Variants in LCA5L observed in about 807,000 individuals in gnomAD.
LCA5L encodes lebercilin LCA5 like.
In LCA5L, 35 loss-of-function variants were observed where a neutral mutation model predicts 45.4. The ratio of observed to expected loss-of-function variants is 0.77; its 90% CI spans 0.59 to 1.02. The LOEUF (loss-of-function observed/expected upper bound fraction) is 1.02. Ranked by LOEUF, LCA5L falls within the 50% of genes least tolerant of loss-of-function variation. The pLI is 0.00. For synonymous variants in LCA5L, 233 were observed against 264.7 expected (o/e 0.88, Z 1.16); for missense variants, 668 against 761.6 (o/e 0.88, Z 1.45).
intron 3 of LCA5L, among the ~76,000 whole-genome samples, chr21:39,429,568 G>T (rs1333874020): frequency 2.0e-5 from 3 of 152,114 alleles, no homozygotes; most frequent in Non-Finnish European, 4.4e-5. Context: ...TTAGCTCCAG[G>T]GGCAGTGCTT....
chr21:39,433,855 C>G (rs2076021011), intron 3 of LCA5L, among the ~76,000 whole-genome samples: 1 of 150,670 alleles, frequency 6.6e-6, no homozygotes, highest in East Asian at 1.9e-4. Context: ...ACCTCCACCT[C>G]CTGGGTTCAA....
At chr21:39,444,020 GCT>G (rs2077143405) in intron 2 of LCA5L, 113 bp downstream of exon 2, 1 of 146,194 alleles carries the variant, frequency 6.8e-6, no homozygotes, top group Non-Finnish European at 1.5e-5. Context: ...ACAGAGTAAG[GCT>G]CTGTCTTAAA....
intron 2 of LCA5L, chr21:39,436,117 G>C (rs1601949801): frequency 6.6e-6 from 1 of 152,264 alleles, no homozygotes; most frequent in South Asian, 2.1e-4. Flanking sequence ...TTTCTTTCCA[G>C]TACAGAGTTG....
chr21:39,445,336 G>A (rs904528639), intron 1 of LCA5L: 1 of 152,328 alleles, frequency 6.6e-6, no homozygotes, highest in African/African-American at 2.4e-5. Flanking sequence ...AAAATCGGAG[G>A]TCAGATAGAA....
rs759926218 is a variant in LCA5L, at chr21:39,420,847, A to G, written c.838-4T>C. ...ACCTCAGTTGTTTTTCCAAGCTCTG[A>G]AAACAGTATATATTATAACTATTCT... On this transcript the variant is annotated splice_polypyrimidine_tract_variant and splice_region_variant and intron_variant, in intron 6 of 10. Transcript: ENST00000288350. The G allele has an allele frequency of 1.6e-5, 26 of 1,610,732 alleles. No homozygotes were observed. The highest frequency in any genetic ancestry group is 3.3e-5 in the South Asian group (3 of 90,960).
chr21:39,413,092 A>G (rs2040396933), intron 7 of LCA5L, among the ~76,000 whole-genome samples: 1 of 152,226 alleles, frequency 6.6e-6, no homozygotes, highest in Non-Finnish European at 1.5e-5. Flanking sequence ...CAGACTGAGA[A>G]GAGGCCAGGA....
rs1192075809 is a variant in LCA5L at position 39,428,165 on chromosome 21, TCCTTA to T, written c.322+2_322+6del. ...TTTGGTCTTGCTTGGGAAATTTTACTCCTTACCTTTAGATTGGGAGATTTTAGAAA... is the reference window on the plus strand; with the variant it reads ...TTTGGTCTTGCTTGGGAAATTTTACTCCTTTAGATTGGGAGATTTTAGAAA... On this transcript the variant is annotated splice_donor_variant and splice_donor_5th_base_variant and intron_variant, in intron 5 of 10. Transcript: ENST00000288350. LOFTEE classifies it high-confidence loss of function. 1.3e-6 allele frequency: 2 copies of T among 1,529,440 alleles called. No individual in the cohort carries two copies. Among genetic ancestry groups the T allele is most frequent in the African/African-American group, 1.4e-5 (1 of 71,998 alleles). 94.7% of individuals were successfully genotyped at this position (1,529,440 alleles called of 1,614,324 possible). A position where few individuals can be genotyped will look rare whatever the true frequency, so the allele number is the denominator to read the frequency against.
intron 5 of LCA5L, among the ~76,000 whole-genome samples, chr21:39,426,268 C>A (rs2074686409): frequency 6.6e-6 from 1 of 152,124 alleles, no homozygotes; most frequent in South Asian, 2.1e-4. Context: ...CTGTATCCAT[C>A]ACGCATACTT....
intron 3 of LCA5L, 37 bp downstream of exon 3, chr21:39,435,383 A>G (rs1453572211): frequency 6.6e-6 from 1 of 151,900 alleles, no homozygotes; most frequent in Non-Finnish European, 1.5e-5. Flanking sequence ...ATGGAAAATA[A>G]AACACACTAA....
chr21:39,437,845 G>A (rs999482869), intron 2 of LCA5L, among the ~76,000 whole-genome samples: 3 of 152,058 alleles, frequency 2.0e-5, no homozygotes, highest in African/African-American at 2.4e-5. Context: ...AGTTTACTAC[G>A]AATAATATGA....
intron 3 of LCA5L, among the ~76,000 whole-genome samples, chr21:39,434,024 A>T (rs937122511): frequency 1.0e-4 from 15 of 149,722 alleles, no homozygotes; most frequent in African/African-American, 3.5e-4. Flanking sequence ...TTGTACATAA[A>T]TTATACTCAT....
chr21:39,411,322 C>G (rs1036657220), intron 8 of LCA5L, among the ~76,000 whole-genome samples: 1 of 152,100 alleles, frequency 6.6e-6, no homozygotes, highest in Non-Finnish European at 1.5e-5. Flanking sequence ...TCTGTCAAAA[C>G]CCACTGAGCT....
Position 39,417,794 on chromosome 21 carries a change from C to G in LCA5L, c.975+2912G>C, listed in dbSNP as rs573513339. 5.9e-5 allele frequency among the ~76,000 whole-genome samples: 9 copies of G among 151,948 alleles called. No homozygotes were observed. In the East Asian group the frequency reaches 1.7e-3, roughly 29 times the overall value. ...TTTTAATTTTTTTTTGAGATGGAGTCTCGCTCTGTCGCCCAGGCTGGAGTG... is the reference window on the plus strand; with the variant it reads ...TTTTAATTTTTTTTTGAGATGGAGTGTCGCTCTGTCGCCCAGGCTGGAGTG... On this transcript the variant is annotated intron_variant, in intron 7 of 10. Coordinates refer to ENST00000288350, the MANE Select transcript of LCA5L (RefSeq NM_152505.4).
chr21:39,422,434 T>G (rs2073925490), intron 6 of LCA5L: 1 of 153,182 alleles, frequency 6.5e-6, no homozygotes, highest in South Asian at 2.1e-4. Context: ...TTTTAATTCC[T>G]TTTCCTTCCC....
chr21:39,442,264 C>T (rs2076939687), intron 2 of LCA5L, among the ~76,000 whole-genome samples: 1 of 152,130 alleles, frequency 6.6e-6, no homozygotes, highest in African/African-American at 2.4e-5. Context: ...GGAGGAGGCC[C>T]ATGTGGCTGA....
At chr21:39,432,875 C>T (rs1297162958) in intron 3 of LCA5L, among the ~76,000 whole-genome samples, 2 of 152,102 alleles carry the variant, frequency 1.3e-5, no homozygotes, top group African/African-American at 2.4e-5. Context: ...TTTTAAGTTG[C>T]TGAGTAGTTT....
chr21:39,417,788 T>G (rs189904289), intron 7 of LCA5L, among the ~76,000 whole-genome samples: 1 of 151,944 alleles, frequency 6.6e-6, no homozygotes. Context: ...TTTTTTGAGA[T>G]GGAGTCTCGC....
intron 2 of LCA5L, among the ~76,000 whole-genome samples, chr21:39,442,719 G>A (rs2076994948): frequency 6.6e-6 from 1 of 152,076 alleles, no homozygotes; most frequent in South Asian, 2.1e-4. Context: ...GGGGTTGTTT[G>A]GTTTTGTGCA....
At chr21:39,443,900 G>A (rs1196006531) in intron 2 of LCA5L, 1 of 152,128 alleles carries the variant, frequency 6.6e-6, no homozygotes, top group Non-Finnish European at 1.5e-5. Flanking sequence ...TGGGCATGGT[G>A]GCGTACACCT....
Sources: gnomAD v4.1 joint callset for allele counts (sites outside exome capture counted in the v4.1 genomes callset) on GRCh38, gnomAD v4.1.1 for gene constraint, MANE v1.5 for transcripts, NCBI Gene and HGNC (gene_info 2026-07-23, HGNC 2026-07-21) for gene names.